The following CNBD1 variants were observed in gnomAD, a reference collection of about 807,000 sequenced individuals.
CNBD1 encodes cyclic nucleotide-binding domain-containing protein 1.
CNBD1 carries 71 observed loss-of-function variants against 54.4 expected under a neutral mutation model. The ratio of observed to expected loss-of-function variants is 1.30; its 90% CI spans 1.08 to 1.59. The LOEUF (loss-of-function observed/expected upper bound fraction) is 1.59. CNBD1 is among the 40% of genes most tolerant of loss of function. The pLI, the probability that CNBD1 is intolerant of heterozygous loss-of-function variation, is 0.00. For missense variants in CNBD1, 659 were observed against 518.0 expected (o/e 1.27, Z -2.64); for synonymous variants, 182 against 170.7 (o/e 1.07, Z -0.51).
intron 3 of CNBD1, among the ~76,000 whole-genome samples, chr8:86,911,800 G>A (rs1240292928): frequency 1.3e-5 from 2 of 152,014 alleles, no homozygotes; most frequent in Non-Finnish European, 2.9e-5. Flanking sequence ...AAAATCAGTA[G>A]CATTTATATA....
At chr8:87,305,959 T>C (rs557631951) in intron 8 of CNBD1, among the ~76,000 whole-genome samples, 4 of 151,870 alleles carry the variant, frequency 2.6e-5, no homozygotes, top group Admixed American at 2.0e-4. Flanking sequence ...GTCAGCAGAG[T>C]AAACAGACAA....
At chr8:87,217,637 T>G (rs1209016057) in intron 5 of CNBD1, among the ~76,000 whole-genome samples, 1 of 151,780 alleles carries the variant, frequency 6.6e-6, no homozygotes, top group Non-Finnish European at 1.5e-5. Context: ...TTAAAATAAC[T>G]TTTTCACTGG....
intron 2 of CNBD1, among the ~76,000 whole-genome samples, chr8:87,390,896 T>A (rs915404866): frequency 6.6e-6 from 1 of 152,028 alleles, no homozygotes; most frequent in Admixed American, 6.6e-5. Flanking sequence ...ATACACTATG[T>A]AATACTATGC....
chr8:86,952,262 C>T (rs1009128294), intron 4 of CNBD1, among the ~76,000 whole-genome samples: 1 of 152,100 alleles, frequency 6.6e-6, no homozygotes, highest in African/African-American at 2.4e-5. Flanking sequence ...TGAGGCTGTG[C>T]CACAGGTGCA....
At chr8:86,946,100 C>T (rs1342445754) in intron 4 of CNBD1, among the ~76,000 whole-genome samples, 1 of 152,118 alleles carries the variant, frequency 6.6e-6, no homozygotes, top group African/African-American at 2.4e-5. Flanking sequence ...TGTCAATCTC[C>T]CCTCTCCCAA....
chr8:87,176,656 T>A (rs1218906301), intron 4 of CNBD1, among the ~76,000 whole-genome samples: 1 of 150,732 alleles, frequency 6.6e-6, no homozygotes, highest in East Asian at 2.0e-4. Flanking sequence ...GGCTAAATTT[T>A]TTTTTTTTTT....
chr8:87,192,695 C>T (rs570120181), intron 4 of CNBD1, among the ~76,000 whole-genome samples: 1 of 152,246 alleles, frequency 6.6e-6, no homozygotes, highest in East Asian at 1.9e-4. Context: ...ACCTTGGATT[C>T]CCTGTAATTT....
intron 10 of CNBD1, among the ~76,000 whole-genome samples, chr8:87,376,661 A>G (rs1810946549): frequency 6.6e-6 from 1 of 151,916 alleles, no homozygotes; most frequent in Non-Finnish European, 1.5e-5. Flanking sequence ...AGCAGTGATT[A>G]TTTACTATAT....
intron 10 of CNBD1, among the ~76,000 whole-genome samples, chr8:87,379,767 T>C (rs1343578947): frequency 6.6e-6 from 1 of 151,910 alleles, no homozygotes; most frequent in African/African-American, 2.4e-5. Flanking sequence ...CTGATTGTTT[T>C]ATATATAAAA....
chr8:86,941,944 T>C (rs2130430043), intron 4 of CNBD1, among the ~76,000 whole-genome samples: 1 of 152,338 alleles, frequency 6.6e-6, no homozygotes, highest in East Asian at 1.9e-4. Flanking sequence ...TGATGTACTA[T>C]ACGTCCCCCC....
chr8:87,213,969 T>C (rs1814155052), intron 5 of CNBD1, among the ~76,000 whole-genome samples: 1 of 152,182 alleles, frequency 6.6e-6, no homozygotes, highest in African/African-American at 2.4e-5. Context: ...AAAGGCCCCA[T>C]GCAAGTCCAA....
At chr8:86,895,124 A>G (rs977333557) in intron 2 of CNBD1, among the ~76,000 whole-genome samples, 1 of 152,158 alleles carries the variant, frequency 6.6e-6, no homozygotes, top group Non-Finnish European at 1.5e-5. Context: ...ATTAAGCCCC[A>G]CCTTACAACA....
Position 87,169,046 on chromosome 8 carries a change from A to G in CNBD1, c.432-36947A>G, listed in dbSNP as rs531841389. 2.6e-5 allele frequency among the ~76,000 whole-genome samples: 4 copies of G among 152,166 alleles called. No individual in the cohort carries two copies. In the South Asian group the frequency reaches 8.3e-4, roughly 32 times the overall value. On this transcript the variant is annotated intron_variant, in intron 4 of 10. Coordinates refer to ENST00000518476, the MANE Select transcript of CNBD1 (RefSeq NM_173538.3). ...GGTTGTACTACTTTACATTCCCATT[A>G]ACAGCATAACAGGGTTCCCTTTTCT... is the stretch of plus-strand genomic sequence containing the variant.
chr8:87,383,757 C>T (rs1563580393), downstream of CNBD1, among the ~76,000 whole-genome samples: 1 of 152,064 alleles, frequency 6.6e-6, no homozygotes, highest in Non-Finnish European at 1.5e-5. Context: ...ATACATAGCA[C>T]CAAGTTGTAT....
At chr8:87,081,420 T>C (rs1261659935) in intron 4 of CNBD1, among the ~76,000 whole-genome samples, 1 of 152,136 alleles carries the variant, frequency 6.6e-6, no homozygotes, top group African/African-American at 2.4e-5. Context: ...GCCTACAATA[T>C]CAATTATCTT....
intron 8 of CNBD1, among the ~76,000 whole-genome samples, chr8:87,301,391 C>T (rs1030208161): frequency 6.6e-6 from 1 of 151,908 alleles, no homozygotes; most frequent in African/African-American, 2.4e-5. Flanking sequence ...AAGACATAAC[C>T]CAAAAAGAAA....
chr8:86,928,754 A>T (rs557601479), intron 3 of CNBD1, among the ~76,000 whole-genome samples: 30 of 152,274 alleles, frequency 2.0e-4, no homozygotes, highest in African/African-American at 7.0e-4. Context: ...CCAAGGGATT[A>T]TTGTTTTGGC....
chr8:87,215,536 C>T (rs916643459), intron 5 of CNBD1, among the ~76,000 whole-genome samples: 1 of 148,432 alleles, frequency 6.7e-6, no homozygotes, highest in Non-Finnish European at 1.5e-5. Context: ...TGCAGTAAGC[C>T]GAGATGGCGC....
chr8:87,250,636 T>C (rs1807896726), intron 6 of CNBD1, among the ~76,000 whole-genome samples: 1 of 152,198 alleles, frequency 6.6e-6, no homozygotes, highest in Admixed American at 6.6e-5. Flanking sequence ...GGATATTATT[T>C]AGCCATAAAA....
Sources: gnomAD v4.1 joint callset for allele counts (sites outside exome capture counted in the v4.1 genomes callset) on GRCh38, gnomAD v4.1.1 for gene constraint, MANE v1.5 for transcripts, NCBI Gene and HGNC (gene_info 2026-07-23, HGNC 2026-07-21) for gene names.